Variants in TMEM132D observed in about 807,000 individuals in gnomAD.
The protein encoded by TMEM132D is transmembrane protein 132D.
TMEM132D carries 21 observed loss-of-function variants against 62.3 expected under a neutral mutation model. The ratio of observed to expected loss-of-function variants is 0.34; its 90% CI spans 0.24 to 0.49. The LOEUF is 0.49. Among genes scored for constraint, TMEM132D ranks in the 20% least tolerant of loss-of-function variants. The pLI, the probability that TMEM132D is intolerant of heterozygous loss-of-function variation, is 0.99. For synonymous variants in TMEM132D, 621 were observed against 575.6 expected (o/e 1.08, Z -1.13); for missense variants, 1,346 against 1,402.8 (o/e 0.96, Z 0.65).
At chr12:129,465,425 T>A (rs1049640198) in intron 3 of TMEM132D, among the ~76,000 whole-genome samples, 3 of 152,082 alleles carry the variant, frequency 2.0e-5, no homozygotes, top group Non-Finnish European at 4.4e-5. Context: ...CTATTCAACA[T>A]AGTGTTGGAA....
At chr12:129,579,363 T>C (rs967611666) in intron 2 of TMEM132D, among the ~76,000 whole-genome samples, 2 of 152,240 alleles carry the variant, frequency 1.3e-5, no homozygotes, top group South Asian at 2.1e-4. Context: ...TACGTATATA[T>C]GGAAGGGAGT....
intron 4 of TMEM132D, among the ~76,000 whole-genome samples, chr12:129,299,763 G>A (rs1430516817): frequency 1.3e-5 from 2 of 151,742 alleles, no homozygotes; most frequent in Admixed American, 6.6e-5. Context: ...CATTTCAGAC[G>A]TCCTTCAGGG....
intron 1 of TMEM132D, among the ~76,000 whole-genome samples, chr12:129,749,360 G>C (rs1869922880): frequency 6.6e-6 from 1 of 152,110 alleles, no homozygotes; most frequent in Non-Finnish European, 1.5e-5. Context: ...AACCTTCAGA[G>C]AAGTAAAACT....
rs1870609070 is a variant in TMEM132D at position 129,371,703 on chromosome 12, A to T, written c.1116-33886T>A. 6.6e-6 allele frequency among the ~76,000 whole-genome samples: 1 copy of T among 151,916 alleles called. No individual in the cohort carries two copies. ...TGATGGTGACAATGATGATGTGATG[A>T]TAGTGATGGTGATGATGATGGGGTG... On this transcript the variant is annotated intron_variant, in intron 3 of 8. Transcript: ENST00000422113. The surrounding 1 kb of genome is among the most constrained non-coding windows in gnomAD (Gnocchi z 4.3).
At chr12:129,873,413 T>C (rs1874319302) in intron 1 of TMEM132D, among the ~76,000 whole-genome samples, 1 of 152,116 alleles carries the variant, frequency 6.6e-6, no homozygotes, top group African/African-American at 2.4e-5. Context: ...ATGAAGACAA[T>C]TAAAAGAGAA....
intron 3 of TMEM132D, among the ~76,000 whole-genome samples, chr12:129,380,755 A>T (rs1208567952): frequency 1.3e-5 from 2 of 152,022 alleles, no homozygotes; most frequent in Admixed American, 1.3e-4. Context: ...GGCAACCGCT[A>T]TTGTGTTCTC....
intron 5 of TMEM132D, among the ~76,000 whole-genome samples, chr12:129,199,113 T>A (rs1021026710): frequency 7.7e-6 from 1 of 130,084 alleles, no homozygotes; most frequent in Admixed American, 7.4e-5. Context: ...TTTTTTTTTT[T>A]TTTTTTTTTT....
chr12:129,560,091 C>T (rs1051180654), intron 2 of TMEM132D, among the ~76,000 whole-genome samples: 1 of 152,192 alleles, frequency 6.6e-6, no homozygotes. Flanking sequence ...TGGGCAACCA[C>T]ATAAAGTGTG....
intron 5 of TMEM132D, chr12:129,085,124 T>G (rs1348537787): frequency 4.1e-6 from 1 of 241,884 alleles, no homozygotes; most frequent in Non-Finnish European, 7.9e-6. Flanking sequence ...CCAGGCTGTT[T>G]GCCTCAAGGA....
At position 129,399,424 on chromosome 12, in the gene TMEM132D, C is replaced by CAAAAACCAACTACTTCTTCAATA. The variant is rs71082704; in HGVS notation, c.1116-61608_1116-61607insTATTGAAGAAGTAGTTGGTTTTT. ...TCCTGCAATAGCTAACCCACTCCCA[C>CAAAAACCAACTACTTCTTCAATA]GATAACCAACCCATTCCTGCAATAG... On this transcript the variant is annotated intron_variant, in intron 3 of 8. Transcript: ENST00000422113. 5.4e-4 allele frequency among the ~76,000 whole-genome samples: 78 copies of CAAAAACCAACTACTTCTTCAATA among 144,544 alleles called. 2 individuals are homozygous for CAAAAACCAACTACTTCTTCAATA. Among genetic ancestry groups the CAAAAACCAACTACTTCTTCAATA allele is most frequent in the African/African-American group, 1.8e-3 (71 of 40,366 alleles). The allele number at this position is 144,544 out of a possible 152,430, so 94.8% of individuals were successfully genotyped here.
At chr12:129,497,668 GT>G (rs1283179310) in intron 3 of TMEM132D, among the ~76,000 whole-genome samples, 102 of 144,390 alleles carry the variant, frequency 7.1e-4, no homozygotes, top group African/African-American at 4.5e-4. Context: ...ATTTGATTTT[GT>G]TTTTTTTTTT....
At position 129,739,764 on chromosome 12, in the gene TMEM132D, G is replaced by A. The variant is rs553720060; in HGVS notation, c.80-39066C>T. ...TGGCTGAGTTCAGGCAGTGGGAGGC[G>A]CTGGCAGGAAATATGAGGTCTTCTA... is the stretch of plus-strand genomic sequence containing the variant. On this transcript the variant is annotated intron_variant, in intron 1 of 8. Coordinates refer to ENST00000422113, the MANE Select transcript of TMEM132D (RefSeq NM_133448.3). Among the ~76,000 whole-genome samples, 62 of 152,240 alleles carry A rather than the reference G, an allele frequency of 4.1e-4. 2 individuals carry two copies. The South Asian group carries it at 0.012, about 29-fold the overall frequency.
At chr12:129,254,867 T>C (rs1414362641) in intron 4 of TMEM132D, among the ~76,000 whole-genome samples, 3 of 152,190 alleles carry the variant, frequency 2.0e-5, no homozygotes, top group Non-Finnish European at 4.4e-5. Flanking sequence ...GCTGTCCATA[T>C]GTAGTAGTTA....
At chr12:129,889,875 C>A (rs951652305) in intron 1 of TMEM132D, among the ~76,000 whole-genome samples, 11 of 152,114 alleles carry the variant, frequency 7.2e-5, no homozygotes, top group Middle Eastern at 3.2e-3. Context: ...AAATCATAAC[C>A]AAATCAGCCA....
chr12:129,312,890 A>C (rs777339282), intron 4 of TMEM132D, among the ~76,000 whole-genome samples: 8 of 152,254 alleles, frequency 5.3e-5, no homozygotes, highest in Non-Finnish European at 8.8e-5. Context: ...TATTTGCATG[A>C]GCAATAGTCA....
intron 2 of TMEM132D, among the ~76,000 whole-genome samples, chr12:129,659,212 C>G (rs748939448): frequency 7.7e-4 from 117 of 152,218 alleles, no homozygotes; most frequent in African/African-American, 2.7e-3. Flanking sequence ...AGATGAACCA[C>G]CCAGCTGAAT....
At chr12:129,809,877 A>C (rs951485359) in intron 1 of TMEM132D, among the ~76,000 whole-genome samples, 1 of 152,206 alleles carries the variant, frequency 6.6e-6, no homozygotes, top group African/African-American at 2.4e-5. Context: ...AAATTTGAAA[A>C]TCTGGAGAAA....
chr12:129,282,959 T>A (rs1353578315), intron 4 of TMEM132D, among the ~76,000 whole-genome samples: 1 of 152,158 alleles, frequency 6.6e-6, no homozygotes, highest in Non-Finnish European at 1.5e-5. Flanking sequence ...TGTTCCAGAA[T>A]GCATGAGTTT....
At chr12:129,595,518 CA>C (rs1395940545) in intron 2 of TMEM132D, among the ~76,000 whole-genome samples, 1 of 152,078 alleles carries the variant, frequency 6.6e-6, no homozygotes, top group Non-Finnish European at 1.5e-5. Context: ...CAATTCCTCC[CA>C]AAAAAGGGGC....
Sources: allele counts gnomAD v4.1 joint callset (sites outside exome capture counted in the v4.1 genomes callset), GRCh38; gene constraint gnomAD v4.1.1; non-coding constraint Gnocchi (gnomAD v3.1); transcripts MANE v1.5; gene names NCBI Gene and HGNC (gene_info 2026-07-23, HGNC 2026-07-21).